The following PTN variants were observed in gnomAD, a reference collection of about 807,000 sequenced individuals.
PTN encodes heparin affin regulatory protein.
In PTN, 18 loss-of-function variants were observed where a neutral mutation model predicts 24.1. The observed-to-expected ratio is 0.75, with a 90% CI of 0.52 to 1.11. The LOEUF is 1.11. Ranked by LOEUF, PTN falls within the 50% of genes least tolerant of loss-of-function variation. PTN has a pLI of 0.00. For missense variants in PTN, 163 were observed against 198.8 expected (o/e 0.82, Z 1.08); for synonymous variants, 78 against 68.6 (o/e 1.14, Z -0.67).
chr7:137,280,691 T>TAACAAAAAAAAAAAAAAAAAA (rs760779128), intron 1 of PTN, among the ~76,000 whole-genome samples: 5 of 14,750 alleles, frequency 3.4e-4, no homozygotes, highest in African/African-American at 5.4e-4. Flanking sequence ...CCGTCTCTAC[T>TAACAAAAAAAAAAAAAAAAAA]AAAAATACAA....
rs537965312 is a variant in PTN, at chr7:137,254,862, G to T, written c.112C>A (p.Pro38Thr). 1.9e-6 allele frequency: 3 copies of T among 1,546,684 alleles called. No homozygotes were observed. The highest frequency in any genetic ancestry group is 2.7e-6 in the Non-Finnish European group (3 of 1,131,496). ...CCTTCAGAACCCTACTGCTTACCTG[G>T]TTTCTCTTTCTTCCCTGCTTCAGCA... Reference protein sequence around the residue: ...DTAEAGKKEKPEKKVKKSDCG... With the variant: ...DTAEAGKKEKTEKKVKKSDCG... The change falls in exon 2 of 5, where the codon CCA becomes ACA. Residue 38 changes from proline (P) to threonine (T), a missense_variant. Pro to Thr is a conservative substitution (Grantham distance 38). Transcript: ENST00000348225.
At chr7:137,238,834 G>A (rs1808569990) in intron 4 of PTN, among the ~76,000 whole-genome samples, 1 of 152,042 alleles carries the variant, frequency 6.6e-6, no homozygotes, top group Non-Finnish European at 1.5e-5. Context: ...TCAATAAATA[G>A]GATACACTTT....
At chr7:137,258,711 G>T (rs322315) in intron 1 of PTN, among the ~76,000 whole-genome samples, 1 of 151,836 alleles carries the variant, frequency 6.6e-6, no homozygotes, top group African/African-American at 2.4e-5. Flanking sequence ...AGTATACATA[G>T]GGGTAGATAA....
intron 1 of PTN, among the ~76,000 whole-genome samples, chr7:137,274,746 T>TA (rs1809335137): frequency 6.6e-6 from 1 of 152,238 alleles, no homozygotes; most frequent in Non-Finnish European, 1.5e-5. Context: ...TATTCTGTAC[T>TA]TTATAAAGTC....
At chr7:137,236,366 C>G (rs1808521295) in intron 4 of PTN, 1 of 677,356 alleles carries the variant, frequency 1.5e-6, no homozygotes. Flanking sequence ...GTGTTGGGAT[C>G]AGTCCCTGAT....
chr7:137,329,920 T>A, intron 1 of PTN, among the ~76,000 whole-genome samples: 1 of 152,160 alleles, frequency 6.6e-6, no homozygotes, highest in East Asian at 1.9e-4. Context: ...TATAGTGACT[T>A]CCTTTAAGTA....
chr7:137,342,094 C>G (rs1052867257), intron 1 of PTN, among the ~76,000 whole-genome samples: 1 of 152,118 alleles, frequency 6.6e-6, no homozygotes, highest in Admixed American at 6.6e-5. Context: ...GGAGACTTCT[C>G]TTTTGTTTCA....
chr7:137,334,177 A>C (rs1441266950), intron 1 of PTN, among the ~76,000 whole-genome samples: 10 of 150,388 alleles, frequency 6.6e-5, no homozygotes, highest in South Asian at 2.1e-4. Context: ...GCAACAAAAG[A>C]CAAAATTGAC....
At chr7:137,326,829 C>A (rs1475803390) in intron 1 of PTN, 1 of 152,126 alleles carries the variant, frequency 6.6e-6, no homozygotes, top group Non-Finnish European at 1.5e-5. Context: ...CCTGCTCCCC[C>A]CAATTAGACT....
intron 1 of PTN, among the ~76,000 whole-genome samples, chr7:137,287,076 G>A (rs900706616): frequency 1.2e-4 from 19 of 152,172 alleles, no homozygotes; most frequent in African/African-American, 4.1e-4. Flanking sequence ...ACCCTCATTC[G>A]TGTTTCATGA....
At position 137,269,596 on chromosome 7, in the gene PTN, T is replaced by A. The variant is rs1337005253; in HGVS notation, c.-1-14622A>T. 3.3e-5 allele frequency among the ~76,000 whole-genome samples: 5 copies of A among 151,780 alleles called. No homozygotes were observed. The South Asian group carries it at 8.3e-4, about 25-fold the overall frequency. ...TTTAAATCTTGACCATGGGTTTTGG[T>A]CTTGCTATCTGTCAAGCTGCTTCAT... On this transcript the variant is annotated intron_variant, in intron 1 of 4. Coordinates refer to ENST00000348225, the MANE Select transcript of PTN (RefSeq NM_002825.7).
chr7:137,253,734 G>A lies in PTN; in HGVS notation c.116-97C>T, dbSNP rs540543359. The A allele has an allele frequency of 6.3e-6, 7 of 1,103,334 alleles. No individual in the cohort carries two copies. The African/African-American group carries it at 6.4e-5, about 10-fold the overall frequency. The allele number at this position is 1,103,334 out of a possible 1,614,324, so 68.3% of individuals were successfully genotyped here. Reference sequence around the variant, plus strand: ...CCTGAGCACCTTAATTGCAGGATCTGTGTTTTTTAATCTGTATCCTTATTG... The same window carrying A: ...CCTGAGCACCTTAATTGCAGGATCTATGTTTTTTAATCTGTATCCTTATTG... On this transcript the variant is annotated intron_variant, in intron 2 of 4. Coordinates refer to ENST00000348225, the MANE Select transcript of PTN (RefSeq NM_002825.7).
chr7:137,279,323 T>C (rs1809426722), intron 1 of PTN, among the ~76,000 whole-genome samples: 1 of 152,230 alleles, frequency 6.6e-6, no homozygotes, highest in African/African-American at 2.4e-5. Context: ...CATGGTCATC[T>C]AATCAGTTAG....
intron 1 of PTN, among the ~76,000 whole-genome samples, chr7:137,275,256 T>C (rs1457673000): frequency 1.3e-5 from 2 of 152,096 alleles, no homozygotes; most frequent in Non-Finnish European, 2.9e-5. Flanking sequence ...ATGGAAGAAA[T>C]AGAATAATCT....
chr7:137,278,180 G>A (rs550797040), intron 1 of PTN, among the ~76,000 whole-genome samples: 3,483 of 150,052 alleles, frequency 0.023, 131 homozygotes, highest in African/African-American at 0.081. Flanking sequence ...GGTAGCGGGC[G>A]CCTGTAGTCC....
chr7:137,242,819 G>A (rs1808654241), intron 4 of PTN, among the ~76,000 whole-genome samples: 1 of 152,118 alleles, frequency 6.6e-6, no homozygotes, highest in Non-Finnish European at 1.5e-5. Context: ...AGACAGGACT[G>A]CCTATAGAGC....
chr7:137,318,875 G>C (rs1322026481), intron 1 of PTN: 1 of 152,202 alleles, frequency 6.6e-6, no homozygotes, highest in East Asian at 1.9e-4. Flanking sequence ...AAAGCGGTAA[G>C]CATTGCCCTC....
At chr7:137,230,725 A>T (rs1808412631) in intron 4 of PTN, among the ~76,000 whole-genome samples, 1 of 151,728 alleles carries the variant, frequency 6.6e-6, no homozygotes, top group African/African-American at 2.4e-5. Context: ...CAACCTCTCA[A>T]TCTTTACCTA....
intron 1 of PTN, among the ~76,000 whole-genome samples, chr7:137,284,250 C>T (rs1297656506): frequency 6.6e-6 from 1 of 151,964 alleles, no homozygotes; most frequent in Non-Finnish European, 1.5e-5. Context: ...GCCACCGCGC[C>T]GGGCCGAGCA....
Sources: gnomAD v4.1 joint callset for allele counts (sites outside exome capture counted in the v4.1 genomes callset) on GRCh38, gnomAD v4.1.1 for gene constraint, MANE v1.5 for transcripts, NCBI Gene and HGNC (gene_info 2026-07-23, HGNC 2026-07-21) for gene names.